Variants in SLC41A2 observed in about 807,000 individuals in gnomAD.
SLC41A2 encodes the protein SLC41A1-like 1.
SLC41A2 carries 32 observed loss-of-function variants against 58.3 expected under a neutral mutation model. That is an observed-to-expected ratio of 0.55 (90% CI 0.41 to 0.74). The LOEUF (loss-of-function observed/expected upper bound fraction) is 0.74, where lower values mean the gene tolerates loss of function less well. Ranked by LOEUF, SLC41A2 falls within the 30% of genes least tolerant of loss-of-function variation. The probability of loss-of-function intolerance (pLI) is 0.00; values close to 1 mark genes in which losing one functional copy is unlikely to be tolerated. For missense variants in SLC41A2, 514 were observed against 680.6 expected, an observed-to-expected ratio of 0.76 and a Z score of 2.72; for synonymous variants, 190 against 235.0, an observed-to-expected ratio of 0.81 and a Z score of 1.75.
intron 1 of SLC41A2, among the ~76,000 whole-genome samples, chr12:104,955,016 CTTTTTTTTTTT>C (rs375969264): frequency 1.3e-5 from 1 of 79,174 alleles, no homozygotes; most frequent in Non-Finnish European, 2.3e-5. Context: ...TTGGCCCTTG[CTTTTTTTTTTT>C]TTTTTTTTTT....
intron 10 of SLC41A2, among the ~76,000 whole-genome samples, chr12:104,843,792 A>G (rs1417186927): frequency 2.0e-5 from 3 of 152,160 alleles, no homozygotes; most frequent in Admixed American, 6.5e-5. Flanking sequence ...GATTTATATC[A>G]AAAGAACAAA....
intron 3 of SLC41A2, among the ~76,000 whole-genome samples, chr12:104,902,113 T>A (rs2045592798): frequency 6.6e-6 from 1 of 152,058 alleles, no homozygotes; most frequent in Non-Finnish European, 1.5e-5. Flanking sequence ...GTAAAATGTT[T>A]AAAAGCATTA....
chr12:104,889,576 C>T (rs927898970), intron 4 of SLC41A2, among the ~76,000 whole-genome samples: 2 of 152,162 alleles, frequency 1.3e-5, no homozygotes, highest in African/African-American at 4.8e-5. Flanking sequence ...GAGTTTGACT[C>T]CTGGTTCTAG....
chr12:104,931,144 C>T (rs1301506183), intron 1 of SLC41A2, among the ~76,000 whole-genome samples: 4 of 152,224 alleles, frequency 2.6e-5, no homozygotes. Context: ...TCATGCAGTG[C>T]AGAATCTGCA....
At chr12:104,862,916 A>G (rs1263667476) in intron 7 of SLC41A2, among the ~76,000 whole-genome samples, 1 of 152,204 alleles carries the variant, frequency 6.6e-6, no homozygotes, top group East Asian at 1.9e-4. Flanking sequence ...TCTCTTGGCA[A>G]TTTTGATGAA....
In SLC41A2 at chr12:104,955,896, C is replaced by T. The variant is rs74635867; in HGVS notation, c.-168+2192G>A. Among the ~76,000 whole-genome samples, 670 of 152,152 alleles carry T rather than the reference C, an allele frequency of 4.4e-3. 30 individuals are homozygous for T. The East Asian group carries it at 0.11, about 25-fold the overall frequency. ...GCCATCAAAAATATTTATTTACCAC[C>T]CACACATGAACATAATTGTAATAAA... On this transcript the variant is annotated intron_variant, in intron 1 of 10. Coordinates refer to ENST00000258538, the MANE Select transcript of SLC41A2 (RefSeq NM_001352171.3).
chr12:104,835,898 C>A (rs1410125418), intron 10 of SLC41A2, among the ~76,000 whole-genome samples: 1 of 152,022 alleles, frequency 6.6e-6, no homozygotes, highest in Non-Finnish European at 1.5e-5. Flanking sequence ...GGCTGGAGTG[C>A]AGTGGCATGA....
chr12:104,828,168 A>T (rs1217185410), intron 10 of SLC41A2, among the ~76,000 whole-genome samples: 1 of 152,176 alleles, frequency 6.6e-6, no homozygotes, highest in Non-Finnish European at 1.5e-5. Context: ...GAACGTCAGG[A>T]GGAACACACC....
chr12:104,957,168 G>T (rs1044025938), intron 1 of SLC41A2, among the ~76,000 whole-genome samples: 1 of 141,070 alleles, frequency 7.1e-6, no homozygotes, highest in Non-Finnish European at 1.6e-5. Context: ...AACAAATGTG[G>T]TACACTGATA....
At chr12:104,837,751 G>A (rs986751831) in intron 10 of SLC41A2, among the ~76,000 whole-genome samples, 7 of 152,114 alleles carry the variant, frequency 4.6e-5, no homozygotes, top group African/African-American at 1.4e-4. Flanking sequence ...AATGAGGCCC[G>A]TGACAATAAG....
At chr12:104,851,284 A>C (rs2042788728) in intron 8 of SLC41A2, among the ~76,000 whole-genome samples, 1 of 152,232 alleles carries the variant, frequency 6.6e-6, no homozygotes, top group Non-Finnish European at 1.5e-5. Context: ...GAGGATGTCC[A>C]GAAACTGTAT....
intron 2 of SLC41A2, among the ~76,000 whole-genome samples, chr12:104,922,326 A>G (rs1314609805): frequency 6.6e-6 from 1 of 152,210 alleles, no homozygotes; most frequent in Non-Finnish European, 1.5e-5. Context: ...GTAGAAAAAT[A>G]TATTCCATGC....
chr12:104,904,952 G>C (rs912735672), intron 3 of SLC41A2, among the ~76,000 whole-genome samples: 3 of 152,138 alleles, frequency 2.0e-5, no homozygotes, highest in African/African-American at 4.8e-5. Flanking sequence ...ACCAATGCTG[G>C]CTCGGGTAGC....
At position 104,804,330 on chromosome 12, in the gene SLC41A2, CAA is replaced by C. The variant is rs2040816755; in HGVS notation, c.*820_*821del. On this transcript the variant is annotated 3_prime_UTR_variant, in exon 11 of 11. Transcript: ENST00000258538. ...AGCAATCCAAGATTTAGTTCTTCATCAAAAGTCTCTCTCTCTCACACACACAC... is the reference window on the plus strand; with the variant it reads ...AGCAATCCAAGATTTAGTTCTTCATCAAGTCTCTCTCTCTCACACACACAC... 8.9e-6 allele frequency: 1 copy of C among 112,114 alleles called. No individual in the cohort carries two copies. The highest frequency in any genetic ancestry group is 1.9e-5 in the Non-Finnish European group (1 of 51,638). 6.9% of individuals were successfully genotyped at this position (112,114 alleles called of 1,614,324 possible).
intron 3 of SLC41A2, among the ~76,000 whole-genome samples, chr12:104,903,248 A>G (rs988874092): frequency 6.6e-6 from 1 of 152,200 alleles, no homozygotes; most frequent in Non-Finnish European, 1.5e-5. Flanking sequence ...ATCTCAATGC[A>G]GTAGTCAAAA....
At chr12:104,911,884 C>T (rs2046103693) in intron 2 of SLC41A2, among the ~76,000 whole-genome samples, 1 of 152,228 alleles carries the variant, frequency 6.6e-6, no homozygotes, top group East Asian at 1.9e-4. Context: ...CGATTTTGTC[C>T]ATGTTTTATG....
Position 104,861,276 on chromosome 12 carries a change from A to G in SLC41A2, c.1255+15T>C. 8 of 1,567,868 alleles carry G rather than the reference A, an allele frequency of 5.1e-6. No homozygotes were observed. The highest frequency in any genetic ancestry group is 7.0e-6 in the Non-Finnish European group (8 of 1,139,362). ...AGATTTGATATTATCATGAAACAGT[A>G]TATCTAATTCTTACCATTAATAACT... On this transcript the variant is annotated intron_variant, in intron 8 of 10. Transcript: ENST00000258538.
intron 7 of SLC41A2, among the ~76,000 whole-genome samples, chr12:104,865,927 A>C (rs76022375): frequency 0.039 from 5,990 of 152,182 alleles, 157 homozygotes; most frequent in East Asian, 0.11. Context: ...TGTTATTAAA[A>C]ACTCTGGGGT....
At chr12:104,909,158 T>G (rs1361567912) in intron 3 of SLC41A2, among the ~76,000 whole-genome samples, 1 of 152,224 alleles carries the variant, frequency 6.6e-6, no homozygotes, top group East Asian at 1.9e-4. Context: ...GCATTTACAT[T>G]ATGATATACC....
Sources: gnomAD v4.1 joint callset for allele counts (sites outside exome capture counted in the v4.1 genomes callset) on GRCh38, gnomAD v4.1.1 for gene constraint, MANE v1.5 for transcripts, NCBI Gene and HGNC (gene_info 2026-07-23, HGNC 2026-07-21) for gene names.